The following EBF2 variants were observed in gnomAD, a reference collection of about 807,000 sequenced individuals.
EBF2 encodes the protein EBF transcription factor 2.
EBF2 carries 21 observed loss-of-function variants against 72.8 expected under a neutral mutation model. That is an observed-to-expected ratio of 0.29 (90% confidence interval 0.20 to 0.42). The LOEUF (loss-of-function observed/expected upper bound fraction) is 0.42. EBF2 is among the 10% of genes least tolerant of loss of function. The pLI is 1.00. For synonymous variants in EBF2, 299 were observed against 274.2 expected (o/e 1.09, Z -0.89); for missense variants, 637 against 731.2 (o/e 0.87, Z 1.49).
At chr8:25,977,198 G>A (rs1028164585) in intron 6 of EBF2, among the ~76,000 whole-genome samples, 1 of 152,114 alleles carries the variant, frequency 6.6e-6, no homozygotes, top group African/African-American at 2.4e-5. Flanking sequence ...GAAGTGGCTC[G>A]GGGTACAGTG....
At position 25,894,979 on chromosome 8, in the gene EBF2, C is replaced by A. The variant is rs553167691; in HGVS notation, c.634-5110G>T. 2.4e-4 allele frequency among the ~76,000 whole-genome samples: 36 copies of A among 152,294 alleles called. No homozygotes were observed. In the East Asian group the frequency reaches 6.2e-3, roughly 26 times the overall value. On this transcript the variant is annotated intron_variant, in intron 7 of 15. Coordinates refer to ENST00000520164, the MANE Select transcript of EBF2 (RefSeq NM_022659.4). ...GTCTCCTGTCACCTAGACCTGATAACGTGTCTTTTCTAAGGCTGTCACTCT... is the reference window on the plus strand; with the variant it reads ...GTCTCCTGTCACCTAGACCTGATAAAGTGTCTTTTCTAAGGCTGTCACTCT...
At chr8:25,985,145 C>T (rs1279429903) in intron 6 of EBF2, among the ~76,000 whole-genome samples, 1 of 152,170 alleles carries the variant, frequency 6.6e-6, no homozygotes, top group East Asian at 1.9e-4. Flanking sequence ...CAGGATAACT[C>T]AAGCCTCCAA....
chr8:25,952,236 G>A (rs1803875362), intron 6 of EBF2, among the ~76,000 whole-genome samples: 1 of 152,188 alleles, frequency 6.6e-6, no homozygotes, highest in South Asian at 2.1e-4. Flanking sequence ...TTGGAGGCTA[G>A]AGTGATCCAT....
In EBF2 at chr8:26,000,754, A is replaced by G. The variant is rs187884867; in HGVS notation, c.551+32331T>C. Among the ~76,000 whole-genome samples, 422 of 152,318 alleles carry G rather than the reference A, an allele frequency of 2.8e-3. 10 individuals are homozygous for G. The highest frequency in any genetic ancestry group is 4.4e-4 in the Non-Finnish European group (30 of 68,024). On this transcript the variant is annotated intron_variant, in intron 6 of 15. Coordinates refer to ENST00000520164, the MANE Select transcript of EBF2 (RefSeq NM_022659.4). Reference sequence around the variant, plus strand: ...AACTGAAATATCAACAAAAGGATAAAATAAATTTGCAAATTGTTCTTCCCT... The same window carrying G: ...AACTGAAATATCAACAAAAGGATAAGATAAATTTGCAAATTGTTCTTCCCT...
chr8:26,040,570 C>A lies in EBF2; in HGVS notation c.408+46G>T, dbSNP rs1392656096. The A allele has an allele frequency of 3.3e-6, 5 of 1,536,724 alleles. No homozygotes were observed. The South Asian group carries it at 3.6e-5, about 11-fold the overall frequency. ...GAAACAAACTGGGGGGTTTGGGGGT[C>A]GGGGTCAGAGACAGGCGAAGAGAAG... is the stretch of plus-strand genomic sequence containing the variant. On this transcript the variant is annotated intron_variant, in intron 4 of 15. Transcript: ENST00000520164.
At chr8:26,003,802 C>T (rs569433621) in intron 6 of EBF2, among the ~76,000 whole-genome samples, 106 of 152,310 alleles carry the variant, frequency 7.0e-4, no homozygotes, top group African/African-American at 2.2e-3. Flanking sequence ...ACCAAATTCA[C>T]ACATCCTCTG....
chr8:25,929,554 C>CT (rs910494438), intron 6 of EBF2, among the ~76,000 whole-genome samples: 1 of 151,612 alleles, frequency 6.6e-6, no homozygotes, highest in African/African-American at 2.4e-5. Context: ...CTATCGGGTA[C>CT]TTTTTTTTTC....
chr8:26,042,957 T>A (rs1210659988), intron 1 of EBF2, among the ~76,000 whole-genome samples: 1 of 152,120 alleles, frequency 6.6e-6, no homozygotes, highest in Non-Finnish European at 1.5e-5. Flanking sequence ...ACAAATGAGA[T>A]GACCGACATA....
chr8:25,889,702 A>T (rs779786570), intron 8 of EBF2, 50 bp downstream of exon 8: 1 of 1,441,366 alleles, frequency 6.9e-7, no homozygotes, highest in Non-Finnish European at 9.7e-7. Flanking sequence ...GAACAAGGAA[A>T]TTCGTGGAGA....
At chr8:25,987,107 TA>T (rs1804474072) in intron 6 of EBF2, among the ~76,000 whole-genome samples, 1 of 152,076 alleles carries the variant, frequency 6.6e-6, no homozygotes, top group Admixed American at 6.5e-5. Context: ...AAGATAAGGC[TA>T]AAGAAGCAGA....
chr8:26,034,987 G>C (rs1313702148), intron 5 of EBF2, among the ~76,000 whole-genome samples: 2 of 152,156 alleles, frequency 1.3e-5, no homozygotes, highest in African/African-American at 2.4e-5. Context: ...TAAAGTGAAA[G>C]TGTTGGATTT....
intron 6 of EBF2, among the ~76,000 whole-genome samples, chr8:25,912,224 C>A (rs957148392): frequency 6.6e-6 from 1 of 152,042 alleles, no homozygotes; most frequent in Non-Finnish European, 1.5e-5. Flanking sequence ...AAGAAACTTG[C>A]CAAAGATCAT....
Position 25,889,831 on chromosome 8 carries a change from G to A in EBF2, c.672C>T (p.Val224=), listed in dbSNP as rs1472739457. The A allele has an allele frequency of 1.9e-6, 3 of 1,613,986 alleles. No individual in the cohort carries two copies. The highest frequency in any genetic ancestry group is 2.7e-5 in the African/African-American group (2 of 75,020). ...LSTTVNVDGH[V]LAVSDNMFVH... ...CAAACATGTTGTCAGAAACAGCCAG[G>A]ACGTGTCCATCCACATTCACCGTTG... The change falls in exon 8 of 16, where the codon GTC becomes GTT. Residue 224 remains valine, a synonymous_variant. Coordinates refer to ENST00000520164, the MANE Select transcript of EBF2 (RefSeq NM_022659.4).
intron 14 of EBF2, among the ~76,000 whole-genome samples, chr8:25,855,537 G>C (rs897578154): frequency 6.6e-6 from 1 of 152,082 alleles, no homozygotes; most frequent in African/African-American, 2.4e-5. Flanking sequence ...AGTGTCTCTG[G>C]CAAGTATTTG....
At chr8:25,854,069 G>T (rs754058863) in intron 14 of EBF2, among the ~76,000 whole-genome samples, 2 of 151,962 alleles carry the variant, frequency 1.3e-5, no homozygotes, top group African/African-American at 4.8e-5. Context: ...ACCAGTAAAG[G>T]CTATTACATT....
At chr8:25,973,718 C>T (rs1352875630) in intron 6 of EBF2, among the ~76,000 whole-genome samples, 1 of 152,044 alleles carries the variant, frequency 6.6e-6, no homozygotes, top group Non-Finnish European at 1.5e-5. Context: ...ACTCTGTTGC[C>T]CAAGTGGAAT....
intron 6 of EBF2, among the ~76,000 whole-genome samples, chr8:25,958,661 G>T (rs1406610656): frequency 1.3e-5 from 2 of 152,122 alleles, no homozygotes; most frequent in Admixed American, 6.5e-5. Context: ...TTTAAGGAAG[G>T]TTCCCTGTTG....
At chr8:25,948,963 A>T (rs1011579712) in intron 6 of EBF2, among the ~76,000 whole-genome samples, 13 of 152,170 alleles carry the variant, frequency 8.5e-5, no homozygotes, top group Non-Finnish European at 1.8e-4. Flanking sequence ...CACGCCAAAA[A>T]TCATGGGCTG....
chr8:25,933,136 T>G (rs1418314121), intron 6 of EBF2, among the ~76,000 whole-genome samples: 1 of 152,166 alleles, frequency 6.6e-6, no homozygotes, highest in Admixed American at 6.5e-5. Context: ...GCGTGTCCTT[T>G]TTAGAACTGG....
Sources: gnomAD v4.1 joint callset for allele counts (sites outside exome capture counted in the v4.1 genomes callset) on GRCh38, gnomAD v4.1.1 for gene constraint, MANE v1.5 for transcripts, NCBI Gene and HGNC (gene_info 2026-07-23, HGNC 2026-07-21) for gene names.